EFCAB5: variants seen among roughly 807,000 people sequenced by gnomAD.
EFCAB5 encodes the protein EF-hand calcium-binding domain-containing protein 5.
Under a neutral mutation model 167.9 loss-of-function variants are expected in EFCAB5, and 131 were observed. The ratio of observed to expected loss-of-function variants is 0.78; its 90% confidence interval spans 0.68 to 0.90. The LOEUF (loss-of-function observed/expected upper bound fraction) is 0.90, where lower values mean the gene tolerates loss of function less well. EFCAB5 is among the 40% of genes least tolerant of loss of function. The pLI is 0.00. For synonymous variants in EFCAB5, 574 were observed against 602.8 expected, an observed-to-expected ratio of 0.95 and a Z score of 0.70; for missense variants, 1,663 against 1,745.2, an observed-to-expected ratio of 0.95 and a Z score of 0.84.
intron 14 of EFCAB5, among the ~76,000 whole-genome samples, chr17:30,077,363 G>A (rs2070888816): frequency 6.6e-6 from 1 of 152,074 alleles, no homozygotes; most frequent in Admixed American, 6.6e-5. Flanking sequence ...AGAAGTGTGT[G>A]TGCATATGCG....
At chr17:29,984,573 G>A (rs2068243267) in intron 4 of EFCAB5, among the ~76,000 whole-genome samples, 1 of 151,904 alleles carries the variant, frequency 6.6e-6, no homozygotes, top group Non-Finnish European at 1.5e-5. Context: ...TAAAAAATTA[G>A]CCAGACTGGT....
Position 30,090,516 on chromosome 17 carries a change from G to A in EFCAB5, c.3779G>A (p.Gly1260Glu), listed in dbSNP as rs200650455. The change falls in exon 20 of 23, where the codon GGA (glycine) becomes GAA (glutamate). Residue 1260 changes from glycine (G) to glutamate (E), a missense_variant. Transcript: ENST00000394835. ...HIVVPLRERTGEALGVLDFNI... is the reference protein window; with the variant it reads ...HIVVPLRERTEEALGVLDFNI... ...GTAGTTCCACTTCGTGAGAGAACAG[G>A]AGAGGCTCTGGGAGTCCTCGATTTT... 347 of 1,614,022 alleles carry A rather than the reference G, an allele frequency of 2.1e-4. 5 individuals are homozygous for A. In the East Asian group the frequency reaches 7.3e-3, roughly 34 times the overall value.
intron 7 of EFCAB5, among the ~76,000 whole-genome samples, chr17:30,021,732 A>G (rs1042631522): frequency 6.6e-6 from 1 of 152,096 alleles, no homozygotes; most frequent in Non-Finnish European, 1.5e-5. Context: ...TATCTCACCA[A>G]CAAATCATTG....
At chr17:30,078,017 A>G (rs540221222) in intron 14 of EFCAB5, among the ~76,000 whole-genome samples, 198 bp from the exon 15 acceptor site, 36 of 152,354 alleles carry the variant, frequency 2.4e-4, no homozygotes, top group African/African-American at 7.9e-4. Context: ...ACAGAAGCTG[A>G]CACAGGAGTC....
At chr17:30,020,091 T>C (rs1381483589) in intron 7 of EFCAB5, among the ~76,000 whole-genome samples, 1 of 152,172 alleles carries the variant, frequency 6.6e-6, no homozygotes, top group Non-Finnish European at 1.5e-5. Flanking sequence ...ATCCATGTTG[T>C]CACAAATGAC....
intron 14 of EFCAB5, among the ~76,000 whole-genome samples, chr17:30,071,398 A>G (rs931774587): frequency 1.3e-5 from 2 of 151,082 alleles, no homozygotes; most frequent in African/African-American, 4.9e-5. Context: ...GGTATTTGAA[A>G]AAATGCTTAA....
intron 8 of EFCAB5, among the ~76,000 whole-genome samples, chr17:30,038,683 A>C (rs2069689092): frequency 6.6e-6 from 1 of 152,220 alleles, no homozygotes; most frequent in South Asian, 2.1e-4. Context: ...TCTTTTATAA[A>C]TAATTCACCA....
At chr17:30,059,262 T>A (rs4994353) in intron 13 of EFCAB5, 117,548 of 195,782 alleles carry the variant, frequency 0.6, 37,870 homozygotes, top group African/African-American at 0.88. Context: ...TTTCTAAAAA[T>A]TTTTAAAAAA....
intron 3 of EFCAB5, among the ~76,000 whole-genome samples, chr17:29,951,611 T>C (rs1216239976): frequency 1.3e-5 from 2 of 152,044 alleles, no homozygotes; most frequent in Non-Finnish European, 2.9e-5. Context: ...CGCCTTGGCC[T>C]CCCAAAGTGC....
At chr17:29,975,013 G>A (rs1301393385) in intron 4 of EFCAB5, among the ~76,000 whole-genome samples, 2 of 151,778 alleles carry the variant, frequency 1.3e-5, no homozygotes, top group Non-Finnish European at 2.9e-5. Context: ...GCAACACAAT[G>A]AGACCCTATC....
chr17:30,091,299 G>C (rs544485025), intron 20 of EFCAB5, among the ~76,000 whole-genome samples: 19 of 152,346 alleles, frequency 1.2e-4, no homozygotes, highest in African/African-American at 4.6e-4. Context: ...CAGCTGGAGA[G>C]AGGGAGGGAG....
At chr17:29,995,343 CA>C (rs1307927111) in intron 5 of EFCAB5, among the ~76,000 whole-genome samples, 3 of 152,216 alleles carry the variant, frequency 2.0e-5, no homozygotes, top group African/African-American at 7.2e-5. Flanking sequence ...AGAAAGTTAA[CA>C]AGCAAAATGC....
intron 4 of EFCAB5, among the ~76,000 whole-genome samples, chr17:29,982,841 T>A (rs1023401139): frequency 6.6e-6 from 1 of 152,220 alleles, no homozygotes; most frequent in Non-Finnish European, 1.5e-5. Flanking sequence ...AATAGAAGAT[T>A]TTCCTTATAC....
At chr17:30,061,013 C>T (rs2070410681) in intron 14 of EFCAB5, among the ~76,000 whole-genome samples, 1 of 152,060 alleles carries the variant, frequency 6.6e-6, no homozygotes, top group Admixed American at 6.6e-5. Context: ...AAGGAAGTCC[C>T]ATATATTAGA....
rs146274282 is a variant in EFCAB5 at position 30,063,028 on chromosome 17, G to A, written c.2737+3327G>A. 1.9e-3 allele frequency among the ~76,000 whole-genome samples: 285 copies of A among 152,302 alleles called. 1 individual carries two copies. The highest frequency in any genetic ancestry group is 6.4e-3 in the African/African-American group (267 of 41,558). The stretch of plus-strand genomic sequence containing the variant: ...CCAAACTGAGCTGCTACACATCCCA[G>A]TGCTGAGTTGACGTAGTAACCTGTG... On this transcript the variant is annotated intron_variant, in intron 14 of 22. Transcript: ENST00000394835.
intron 9 of EFCAB5, among the ~76,000 whole-genome samples, chr17:30,052,329 C>T (rs971359726): frequency 6.6e-6 from 1 of 152,060 alleles, no homozygotes; most frequent in African/African-American, 2.4e-5. Context: ...CCACACCCAG[C>T]TATTTTTTTG....
intron 4 of EFCAB5, among the ~76,000 whole-genome samples, chr17:29,975,017 C>A (rs942647184): frequency 6.6e-6 from 1 of 151,622 alleles, no homozygotes; most frequent in Non-Finnish European, 1.5e-5. Flanking sequence ...CACAATGAGA[C>A]CCTATCTCTA....
At chr17:29,933,054 A>C (rs1214015418) in intron 1 of EFCAB5, among the ~76,000 whole-genome samples, 1 of 152,250 alleles carries the variant, frequency 6.6e-6, no homozygotes, top group Non-Finnish European at 1.5e-5. Context: ...TGTGTATCAT[A>C]TACTAGACAC....
At chr17:30,091,802 T>C (rs1016906192) in intron 20 of EFCAB5, 69 bp from the exon 21 acceptor site, 13 of 1,522,740 alleles carry the variant, frequency 8.5e-6, no homozygotes, top group Admixed American at 4.0e-5. Context: ...CAGAATCCTA[T>C]GAAAAAGTAA....
Sources: gnomAD v4.1 joint callset for allele counts (sites outside exome capture counted in the v4.1 genomes callset) on GRCh38, gnomAD v4.1.1 for gene constraint, MANE v1.5 for transcripts, NCBI Gene and HGNC (gene_info 2026-07-23, HGNC 2026-07-21) for gene names.